GTF2IRD1: variants seen among roughly 807,000 people sequenced by gnomAD.
GTF2IRD1 encodes general transcription factor II-I repeat domain-containing protein 1.
GTF2IRD1 carries 26 observed loss-of-function variants against 113.2 expected under a neutral mutation model. The ratio of observed to expected loss-of-function variants is 0.23; its 90% CI spans 0.17 to 0.32. The LOEUF is 0.32. GTF2IRD1 is among the 10% of genes least tolerant of loss of function. The pLI is 1.00. For missense variants in GTF2IRD1, 864 were observed against 1,280.8 expected (o/e 0.67, Z 4.97); for synonymous variants, 484 against 529.1 (o/e 0.91, Z 1.17).
At position 74,512,881 on chromosome 7, in the gene GTF2IRD1, G is replaced by A. The variant is rs782216607; in HGVS notation, c.175G>A (p.Asp59Asn). 1.3e-5 allele frequency: 21 copies of A among 1,614,066 alleles called. No individual in the cohort carries two copies. The highest frequency in any genetic ancestry group is 1.6e-4 in the Middle Eastern group (1 of 6,062). ...NAEVACVAVH[D>N]ESAFVVGTEK... is the part of the protein sequence containing the mutation. ...CGAGGTGGCCTGTGTCGCCGTGCAC[G>A]ATGAGAGCGCCTTTGTGGTGGGCAC... Residue 59 changes from aspartate to asparagine, a missense_variant, in exon 3 of 27, where the codon GAT becomes AAT. Coordinates refer to ENST00000424337, the MANE Select transcript of GTF2IRD1 (RefSeq NM_005685.4). This position sits in a 1 kb window ranked among gnomAD's most constrained non-coding sequence, Gnocchi z 4.4.
chr7:74,580,596 T>C (rs1378909241), intron 22 of GTF2IRD1, among the ~76,000 whole-genome samples: 6 of 152,016 alleles, frequency 3.9e-5, no homozygotes, highest in Non-Finnish European at 8.8e-5. Context: ...CTTGGCAAAT[T>C]TCAGTTACTC....
Position 74,489,615 on chromosome 7 carries a change from T to C in GTF2IRD1, c.-6-18460T>C, listed in dbSNP as rs375485955. On this transcript the variant is annotated intron_variant, in intron 1 of 26. Coordinates refer to ENST00000424337, the MANE Select transcript of GTF2IRD1 (RefSeq NM_005685.4). The stretch of plus-strand genomic sequence containing the variant: ...ACCTTGGCCTCCCAAAGTGCTGAGA[T>C]GACAGGTGTGAGCCACCACTCCTGG... Among the ~76,000 whole-genome samples the C allele has an allele frequency of 9.8e-5, 15 of 152,310 alleles. No individual in the cohort carries two copies. In the East Asian group the frequency reaches 2.1e-3, roughly 22 times the overall value.
chr7:74,540,242 G>A (rs1429192488), intron 14 of GTF2IRD1, among the ~76,000 whole-genome samples: 7 of 152,092 alleles, frequency 4.6e-5, no homozygotes, highest in African/African-American at 1.7e-4. Flanking sequence ...TGCCTCCCAG[G>A]TTCAAGTGAT....
chr7:74,510,431 G>A (rs140783539), intron 2 of GTF2IRD1, among the ~76,000 whole-genome samples: 1 of 150,786 alleles, frequency 6.6e-6, no homozygotes, highest in African/African-American at 2.4e-5. Context: ...CTCAGCCTCT[G>A]GAGTAGCTGG....
chr7:74,523,976 G>A, intron 7 of GTF2IRD1, 95 bp from the exon 8 acceptor site: 1 of 826,774 alleles, frequency 1.2e-6, no homozygotes, highest in Non-Finnish European at 2.1e-6. Context: ...CGGCCTCGGG[G>A]GCTCTGGGGG....
In GTF2IRD1 at chr7:74,588,354, A is replaced by C. The variant is rs185151299; in HGVS notation, c.2321-1497A>C. Among the ~76,000 whole-genome samples, 351 of 150,638 alleles carry C rather than the reference A, an allele frequency of 2.3e-3. 1 individual carries two copies. The highest frequency in any genetic ancestry group is 8.1e-3 in the African/African-American group (332 of 41,032). On this transcript the variant is annotated intron_variant, in intron 22 of 26. Transcript: ENST00000424337. ...AACTCCTGACCTCTGGTGATCTGCCAATCTCAGCCTCCCTCAGTGCTGGGG... is the reference window on the plus strand; with the variant it reads ...AACTCCTGACCTCTGGTGATCTGCCCATCTCAGCCTCCCTCAGTGCTGGGG...
chr7:74,567,910 C>T (rs1157713880), intron 22 of GTF2IRD1, among the ~76,000 whole-genome samples: 2 of 152,030 alleles, frequency 1.3e-5, no homozygotes, highest in Non-Finnish European at 2.9e-5. Context: ...CTCAGCCTCC[C>T]GAGTAGCTGG....
At chr7:74,539,215 A>G (rs1433757162) in intron 13 of GTF2IRD1, among the ~76,000 whole-genome samples, 3 of 152,152 alleles carry the variant, frequency 2.0e-5, no homozygotes, top group Non-Finnish European at 4.4e-5. Context: ...GGTGGCTGAC[A>G]CGGGAGGATG....
chr7:74,492,776 G>T (rs1289135985), intron 1 of GTF2IRD1, among the ~76,000 whole-genome samples: 1 of 151,840 alleles, frequency 6.6e-6, no homozygotes, highest in Non-Finnish European at 1.5e-5. Flanking sequence ...GCTCTCGGGG[G>T]GAATCTGTTC....
At chr7:74,588,304 C>T (rs782109050) in intron 22 of GTF2IRD1, among the ~76,000 whole-genome samples, 2 of 151,524 alleles carry the variant, frequency 1.3e-5, no homozygotes, top group Non-Finnish European at 1.5e-5. Flanking sequence ...GACGGGGTTT[C>T]GCTATGTTGG....
At chr7:74,599,967 T>G (rs1554373440) in intron 25 of GTF2IRD1, among the ~76,000 whole-genome samples, 1 of 152,158 alleles carries the variant, frequency 6.6e-6, no homozygotes, top group African/African-American at 2.4e-5. Context: ...CCACGCAGAC[T>G]TGGCCTTGGA....
intron 1 of GTF2IRD1, among the ~76,000 whole-genome samples, chr7:74,495,148 A>T (rs555072254): frequency 2.6e-4 from 39 of 152,212 alleles, no homozygotes; most frequent in Non-Finnish European, 4.1e-4. Context: ...TGCCAGCTGG[A>T]TTCCAGGGGT....
chr7:74,499,142 A>G (rs1554338792), intron 1 of GTF2IRD1, among the ~76,000 whole-genome samples: 1 of 151,758 alleles, frequency 6.6e-6, no homozygotes, highest in African/African-American at 2.4e-5. Context: ...AGGGGTGGTG[A>G]GGGGAGGCCA....
chr7:74,571,560 A>G (rs1419963541), intron 22 of GTF2IRD1, among the ~76,000 whole-genome samples: 3 of 152,178 alleles, frequency 2.0e-5, no homozygotes, highest in Non-Finnish European at 4.4e-5. Context: ...TTAAGGAACT[A>G]TGTCAAATTA....
intron 1 of GTF2IRD1, among the ~76,000 whole-genome samples, chr7:74,460,910 A>G (rs1554328990): frequency 6.7e-6 from 1 of 149,798 alleles, no homozygotes; most frequent in African/African-American, 2.5e-5. Context: ...GAATTCCTGC[A>G]CCTTTGCCAT....
At chr7:74,561,638 G>A (rs1338634752) in intron 22 of GTF2IRD1, among the ~76,000 whole-genome samples, 15 of 152,078 alleles carry the variant, frequency 9.9e-5, no homozygotes, top group Non-Finnish European at 1.5e-4. Context: ...GGTGGAGAGA[G>A]TGGAAGCTGC....
intron 22 of GTF2IRD1, among the ~76,000 whole-genome samples, chr7:74,585,166 G>A (rs1375685360): frequency 6.8e-6 from 1 of 146,346 alleles, no homozygotes; most frequent in Non-Finnish European, 1.5e-5. Flanking sequence ...AGGCTGGAGT[G>A]CAGTGGCGCA....
chr7:74,501,558 T>C (rs1796033925), intron 1 of GTF2IRD1, among the ~76,000 whole-genome samples: 2 of 152,206 alleles, frequency 1.3e-5, no homozygotes, highest in Non-Finnish European at 2.9e-5. Flanking sequence ...ACCTTGGCAC[T>C]TACTTTTTTG....
Position 74,568,384 on chromosome 7 carries a change from C to CA in GTF2IRD1, c.2320+8730dup, listed in dbSNP as rs1800463840. Among the ~76,000 whole-genome samples, 3 of 146,786 alleles carry CA rather than the reference C, an allele frequency of 2.0e-5. No homozygotes were observed. In the South Asian group the frequency reaches 6.6e-4, roughly 32 times the overall value. On this transcript the variant is annotated intron_variant, in intron 22 of 26. Transcript: ENST00000424337. ...GGAGAAAGGGCCGGGCGTGGTGGCT[C>CA]ACGCCTATAATCCCAGCACTTTGGG...
Sources: allele counts gnomAD v4.1 joint callset (sites outside exome capture counted in the v4.1 genomes callset), GRCh38; gene constraint gnomAD v4.1.1; non-coding constraint Gnocchi (gnomAD v3.1); transcripts MANE v1.5; gene names NCBI Gene and HGNC (gene_info 2026-07-23, HGNC 2026-07-21).